The following FAM120B variants were observed in gnomAD, a reference collection of about 807,000 sequenced individuals.
The protein encoded by FAM120B is family with sequence similarity 120 member B.
A neutral mutation model predicts 96.3 loss-of-function variants in FAM120B; 83 were observed. The ratio of observed to expected loss-of-function variants is 0.86; its 90% CI spans 0.72 to 1.03. The LOEUF is 1.03. FAM120B is among the 50% of genes least tolerant of loss of function. The pLI is 0.00. For missense variants in FAM120B, 1,027 were observed against 1,121.2 expected (o/e 0.92, Z 1.20); for synonymous variants, 407 against 402.7 (o/e 1.01, Z -0.13).
chr6:170,395,660 C>A, intron 9 of FAM120B, 81 bp downstream of exon 9: 1 of 976,276 alleles, frequency 1.0e-6, no homozygotes, highest in Non-Finnish European at 1.6e-6. Context: ...TAACTGCCTT[C>A]CTCTGTTTCA....
chr6:170,379,239 T>C (rs1302801482), intron 6 of FAM120B, among the ~76,000 whole-genome samples: 2 of 152,262 alleles, frequency 1.3e-5, no homozygotes, highest in African/African-American at 4.8e-5. Flanking sequence ...ATTTCCTTTA[T>C]GATATAGTCA....
At chr6:170,343,445 A>G (rs1786971042) in intron 4 of FAM120B, among the ~76,000 whole-genome samples, 1 of 152,116 alleles carries the variant, frequency 6.6e-6, no homozygotes, top group Admixed American at 6.5e-5. Flanking sequence ...TCACATAGGC[A>G]TTCAATAAAT....
At chr6:170,319,685 G>A (rs370724917) in intron 2 of FAM120B, among the ~76,000 whole-genome samples, 3 of 152,170 alleles carry the variant, frequency 2.0e-5, no homozygotes, top group Admixed American at 2.0e-4. Flanking sequence ...AGTACAGGGA[G>A]AAGTTCCCCA....
intron 1 of FAM120B, among the ~76,000 whole-genome samples, chr6:170,314,452 C>G (rs1005437752): frequency 2.0e-5 from 3 of 152,148 alleles, no homozygotes; most frequent in African/African-American, 7.2e-5. Context: ...AGGGAGTGAT[C>G]CCCAAAGGGT....
Position 170,335,046 on chromosome 6 carries a change from G to GT in FAM120B, c.2017+4507dup, listed in dbSNP as rs548519365. 5.2e-3 allele frequency among the ~76,000 whole-genome samples: 696 copies of GT among 133,904 alleles called. 10 individuals carry two copies. Among genetic ancestry groups the GT allele is most frequent in the East Asian group, 0.045 (211 of 4,728 alleles). The allele number at this position is 133,904 out of a possible 152,430, so 87.8% of individuals were successfully genotyped here. A position where few individuals can be genotyped will look rare whatever the true frequency, so the allele number is the denominator to read the frequency against. ...TCAGGGTTTTTTGAGTTTTTTTTTT[G>GT]TTTTTTTTTTTAATGTAAGTTCTGG... On this transcript the variant is annotated intron_variant, in intron 4 of 10. Coordinates refer to ENST00000476287, the MANE Select transcript of FAM120B (RefSeq NM_032448.3).
chr6:170,300,517 C>A (rs1784118222), intron 1 of FAM120B, among the ~76,000 whole-genome samples: 1 of 152,200 alleles, frequency 6.6e-6, no homozygotes, highest in Non-Finnish European at 1.5e-5. Flanking sequence ...TTTCAAAACA[C>A]AATCATACCT....
intron 9 of FAM120B, among the ~76,000 whole-genome samples, chr6:170,398,250 G>T (rs1000394897): frequency 1.3e-5 from 2 of 152,238 alleles, no homozygotes; most frequent in East Asian, 1.9e-4. Context: ...GGAATTCTGT[G>T]ACTTTCTATT....
intron 6 of FAM120B, among the ~76,000 whole-genome samples, chr6:170,377,063 C>G (rs1208293497): frequency 7.4e-6 from 1 of 135,850 alleles, no homozygotes; most frequent in African/African-American, 2.8e-5. Flanking sequence ...ACCCAGACGC[C>G]TGGGAGAACA....
In FAM120B at chr6:170,328,842, G is replaced by A. The variant is rs532719174; in HGVS notation, c.1916-1607G>A. Among the ~76,000 whole-genome samples the A allele has an allele frequency of 3.9e-5, 6 of 152,304 alleles. No homozygotes were observed. The South Asian group carries it at 6.2e-4, about 16-fold the overall frequency. ...CAGAACATTTTGGATACTAAAAAGA[G>A]TGTAGAGTTTAGTTCTGTCAGACAG... On this transcript the variant is annotated intron_variant, in intron 3 of 10. Transcript: ENST00000476287.
At chr6:170,303,510 G>A (rs1784185942), upstream of FAM120B, among the ~76,000 whole-genome samples, 2 of 152,174 alleles carry the variant, frequency 1.3e-5, no homozygotes, top group Non-Finnish European at 2.9e-5. Flanking sequence ...CCAAAGTGCT[G>A]GCATTACAGG....
At position 170,340,759 on chromosome 6, in the gene FAM120B, G is replaced by A. The variant is rs1489053283; in HGVS notation, c.2018-7392G>A. Among the ~76,000 whole-genome samples, 5 of 152,208 alleles carry A rather than the reference G, an allele frequency of 3.3e-5. No homozygotes were observed. The East Asian group carries it at 9.6e-4, about 29-fold the overall frequency. On this transcript the variant is annotated intron_variant, in intron 4 of 10. Coordinates refer to ENST00000476287, the MANE Select transcript of FAM120B (RefSeq NM_032448.3). ...CAACTGGCCTCTCTTCTGCAGGTCT[G>A]CTGCAGTTTGCTGGAGGTCCACTCT...
chr6:170,306,518 GCAGCTACCTGA>G (rs1211410010), upstream of FAM120B: 1 of 152,286 alleles, frequency 6.6e-6, no homozygotes, highest in Non-Finnish European at 1.5e-5. Context: ...ACGCCAGCGG[GCAGCTACCTGA>G]CTGCGCGACC....
intron 6 of FAM120B, among the ~76,000 whole-genome samples, chr6:170,360,277 C>G (rs1788257661): frequency 1.3e-5 from 2 of 152,188 alleles, no homozygotes; most frequent in Non-Finnish European, 2.9e-5. Flanking sequence ...CCTCAGTGTC[C>G]TCTCATTTGT....
At chr6:170,358,161 T>A in intron 5 of FAM120B, 65 bp from the exon 6 acceptor site, 4 of 1,360,502 alleles carry the variant, frequency 2.9e-6, no homozygotes, top group South Asian at 1.3e-5. Context: ...ATAACTGAGA[T>A]CAATTTGTAA....
intron 6 of FAM120B, among the ~76,000 whole-genome samples, chr6:170,359,806 A>G (rs1788222693): frequency 6.6e-6 from 1 of 152,214 alleles, no homozygotes; most frequent in African/African-American, 2.4e-5. Flanking sequence ...CTAATGAACA[A>G]TGCCAGATTT....
At chr6:170,377,103 C>T (rs866455179) in intron 6 of FAM120B, among the ~76,000 whole-genome samples, 11 of 125,518 alleles carry the variant, frequency 8.8e-5, no homozygotes, top group South Asian at 3.0e-4. Flanking sequence ...GCTGTGCACA[C>T]GCGTCCCTAA....
rs371249712 is a variant in FAM120B, at chr6:170,319,170, C to T, written c.1734+46C>T. Reference sequence around the variant, plus strand: ...AATATGCCATGATTGAAAATATATCCGCTGATGGATTTGTTAGTGAAGATC... The same window carrying T: ...AATATGCCATGATTGAAAATATATCTGCTGATGGATTTGTTAGTGAAGATC... On this transcript the variant is annotated intron_variant, in intron 2 of 10. Coordinates refer to ENST00000476287, the MANE Select transcript of FAM120B (RefSeq NM_032448.3). 54 of 1,488,808 alleles carry T rather than the reference C, an allele frequency of 3.6e-5. 1 individual carries two copies. Among genetic ancestry groups the T allele is most frequent in the South Asian group, 3.4e-4 (25 of 73,680 alleles). The allele number at this position is 1,488,808 out of a possible 1,614,324, so 92.2% of individuals were successfully genotyped here. A position where few individuals can be genotyped will look rare whatever the true frequency, so the allele number is the denominator to read the frequency against.
chr6:170,399,426 A>T, intron 9 of FAM120B, among the ~76,000 whole-genome samples: 1 of 149,880 alleles, frequency 6.7e-6, no homozygotes, highest in African/African-American at 2.5e-5. Context: ...ACTATGTCAT[A>T]ACTCTTAGGA....
At position 170,335,386 on chromosome 6, in the gene FAM120B, C is replaced by T. The variant is rs548160210; in HGVS notation, c.2017+4836C>T. 3.3e-5 allele frequency among the ~76,000 whole-genome samples: 5 copies of T among 152,256 alleles called. No homozygotes were observed. The South Asian group carries it at 1.0e-3, about 32-fold the overall frequency. On this transcript the variant is annotated intron_variant, in intron 4 of 10. Coordinates refer to ENST00000476287, the MANE Select transcript of FAM120B (RefSeq NM_032448.3). Reference sequence around the variant, plus strand: ...TCCATGTCCCTGCAAAGGACATGAACTCATTCTTTTTTATGGCTGCATAGT... The same window carrying T: ...TCCATGTCCCTGCAAAGGACATGAATTCATTCTTTTTTATGGCTGCATAGT...
Sources: allele counts gnomAD v4.1 joint callset (sites outside exome capture counted in the v4.1 genomes callset), GRCh38; gene constraint gnomAD v4.1.1; transcripts MANE v1.5; gene names NCBI Gene and HGNC (gene_info 2026-07-23, HGNC 2026-07-21).